The following ITPA variants were observed in gnomAD, a reference collection of about 807,000 sequenced individuals.
The protein encoded by ITPA is inosine triphosphatase.
A neutral mutation model predicts 29.6 loss-of-function variants in ITPA; 29 were observed. The observed-to-expected ratio is 0.98, with a 90% CI of 0.73 to 1.34. The LOEUF is 1.34. Ranked by LOEUF, ITPA falls within the 40% of genes most tolerant of loss-of-function variation. The pLI, the probability that ITPA is intolerant of heterozygous loss-of-function variation, is 0.00. For missense variants in ITPA, 241 were observed against 251.5 expected (o/e 0.96, Z 0.28); for synonymous variants, 103 against 99.3 (o/e 1.04, Z -0.22).
At chr20:3,207,982 CAA>C (rs1165931511), upstream of ITPA, among the ~76,000 whole-genome samples, 1 of 114,312 alleles carries the variant, frequency 8.7e-6, no homozygotes, top group African/African-American at 3.5e-5. Flanking sequence ...GTGACTAGAG[CAA>C]GACTCCGTCT....
intron 5 of ITPA, 73 bp from the exon 6 acceptor site, chr20:3,218,444 T>C: frequency 9.4e-7 from 1 of 1,063,004 alleles, no homozygotes; most frequent in South Asian, 1.3e-5. Context: ...TCCCCACCCT[T>C]AGTGGGCGTC....
chr20:3,214,194 C>G, intron 4 of ITPA, 136 bp downstream of exon 4: 1 of 784,672 alleles, frequency 1.3e-6, no homozygotes, highest in East Asian at 2.7e-5. Context: ...CGAGGAAAGA[C>G]GGGATAGGAG....
At chr20:3,206,055 CAAAA>C (rs537649838), upstream of ITPA, among the ~76,000 whole-genome samples, 30 of 58,848 alleles carry the variant, frequency 5.1e-4, no homozygotes, top group African/African-American at 1.2e-3. Context: ...GACTCTGTCT[CAAAA>C]AAAAAAAAAA....
rs372937334 is a variant in ITPA at position 3,209,903 on chromosome 20, TAAC to T, written c.66+290_66+292del. On this transcript the variant is annotated intron_variant, in intron 1 of 7. Transcript: ENST00000380113. The surrounding 1 kb of genome is among the most constrained non-coding windows in gnomAD (Gnocchi z 4.6). ...GGACCCGGAGGAGTAGCGGGGCTCT[TAAC>T]AACCGCCCCGAAGGTCACCTATTGA... Among the ~76,000 whole-genome samples the T allele has an allele frequency of 3.4e-4, 52 of 152,184 alleles. No homozygotes were observed. The East Asian group carries it at 6.6e-3, about 19-fold the overall frequency.
rs763806904 is a variant in ITPA, at chr20:3,209,661, T to G, written c.66+44T>G. 6.4e-7 allele frequency: 1 copy of G among 1,560,790 alleles called. No individual in the cohort carries two copies. The highest frequency in any genetic ancestry group is 1.7e-5 in the Admixed American group (1 of 59,608). ...GGGCTAACTGGGAGGCGGCTGGGAA[T>G]AGGGCGGAGAAGGGGCTTCCGGGAG... On this transcript the variant is annotated intron_variant, in intron 1 of 7. Coordinates refer to ENST00000380113, the MANE Select transcript of ITPA (RefSeq NM_033453.4). The surrounding 1 kb of genome is among the most constrained non-coding windows in gnomAD (Gnocchi z 4.6).
At chr20:3,205,917 G>A (rs907194386), upstream of ITPA, among the ~76,000 whole-genome samples, 2 of 151,892 alleles carry the variant, frequency 1.3e-5, no homozygotes, top group Admixed American at 6.6e-5. Flanking sequence ...TGAGTGGGGC[G>A]TGGTGGCACA....
At chr20:3,210,637 G>A (rs1168157311) in intron 1 of ITPA, among the ~76,000 whole-genome samples, 3 of 152,044 alleles carry the variant, frequency 2.0e-5, no homozygotes, top group Admixed American at 6.6e-5. Flanking sequence ...GCCTTTTGCC[G>A]AAAAAAGGTT....
At chr20:3,210,789 G>A (rs182480258) in intron 1 of ITPA, among the ~76,000 whole-genome samples, 1 of 152,010 alleles carries the variant, frequency 6.6e-6, no homozygotes, top group African/African-American at 2.4e-5. Flanking sequence ...AGTGCCTCAC[G>A]CCTGTAATCC....
chr20:3,209,489 A>C, upstream of ITPA: 4 of 1,479,078 alleles, frequency 2.7e-6, no homozygotes, highest in Non-Finnish European at 3.8e-6. This position sits in a 1 kb window ranked among gnomAD's most constrained non-coding sequence, Gnocchi z 4.6. Flanking sequence ...CACCAGCCGG[A>C]AGTTTTCTGT....
upstream of ITPA, among the ~76,000 whole-genome samples, chr20:3,207,908 T>C (rs965119465): frequency 1.1e-4 from 16 of 147,656 alleles, no homozygotes. Flanking sequence ...GGCAGGAGAA[T>C]CGCTTCAACC....
Position 3,223,755 on chromosome 20 carries a change from C to T in ITPA, c.*293C>T, listed in dbSNP as rs1413518978. 3.4e-5 allele frequency: 17 copies of T among 500,358 alleles called. No individual in the cohort carries two copies. Among genetic ancestry groups the T allele is most frequent in the Non-Finnish European group, 5.8e-5 (16 of 275,612 alleles). 31.0% of individuals were successfully genotyped at this position (500,358 alleles called of 1,614,324 possible). ...AAGCTGTACTTGGTGGGAGTGAGGG[C>T]GTGGGGAGGAACCATGCAAATCGCC... On this transcript the variant is annotated 3_prime_UTR_variant, in exon 8 of 8. Transcript: ENST00000380113.
upstream of ITPA, among the ~76,000 whole-genome samples, chr20:3,206,539 A>G (rs1422046238): frequency 1.3e-5 from 2 of 152,120 alleles, no homozygotes; most frequent in Non-Finnish European, 2.9e-5. Context: ...TCTACTAAAA[A>G]TACAAAATTA....
chr20:3,221,316 A>G (rs765904652), intron 6 of ITPA, among the ~76,000 whole-genome samples: 7 of 151,230 alleles, frequency 4.6e-5, no homozygotes, highest in Non-Finnish European at 1.0e-4. Flanking sequence ...TACTACAGCC[A>G]GTACGTATTG....
intron 1 of ITPA, among the ~76,000 whole-genome samples, chr20:3,210,919 C>T (rs2067155331): frequency 6.6e-6 from 1 of 151,782 alleles, no homozygotes; most frequent in Non-Finnish European, 1.5e-5. Context: ...GGCATGGTGA[C>T]ACGTGCCTGT....
At chr20:3,222,552 G>A (rs1406389747) in intron 7 of ITPA, among the ~76,000 whole-genome samples, 2 of 152,162 alleles carry the variant, frequency 1.3e-5, no homozygotes, top group African/African-American at 4.8e-5. Flanking sequence ...CCCCATCTAG[G>A]TTGGGAAAAT....
At position 3,209,715 on chromosome 20, in the gene ITPA, G is replaced by T. The variant is rs1047684496; in HGVS notation, c.66+98G>T. ...GGAAGCACGTGGGAGGAGGCATGGA[G>T]AGAGAACAGAATTCAGCCCGGAAGA... is the stretch of plus-strand genomic sequence containing the variant. On this transcript the variant is annotated intron_variant, in intron 1 of 7. Transcript: ENST00000380113. The surrounding 1 kb of genome is among the most constrained non-coding windows in gnomAD (Gnocchi z 4.6). The T allele has an allele frequency of 2.0e-6, 2 of 987,356 alleles. No individual in the cohort carries two copies. Among genetic ancestry groups the T allele is most frequent in the Admixed American group, 4.0e-5 (2 of 49,438 alleles). 61.2% of individuals were successfully genotyped at this position (987,356 alleles called of 1,614,324 possible). A position where few individuals can be genotyped will look rare whatever the true frequency, so the allele number is the denominator to read the frequency against.
At chr20:3,218,910 T>A in intron 6 of ITPA, 1 of 505,238 alleles carries the variant, frequency 2.0e-6, no homozygotes, top group Non-Finnish European at 3.6e-6. Flanking sequence ...TTCTGAAACC[T>A]GTTTGACCCC....
downstream of ITPA, among the ~76,000 whole-genome samples, chr20:3,226,445 G>T (rs1217267582): frequency 6.6e-6 from 1 of 152,142 alleles, no homozygotes; most frequent in Non-Finnish European, 1.5e-5. This position sits in a 1 kb window ranked among gnomAD's most constrained non-coding sequence, Gnocchi z 4.4. Flanking sequence ...CACCTGGATT[G>T]GTTCTCGGGG....
In ITPA at chr20:3,213,238, T is replaced by C; in HGVS notation, c.124+12T>C. The C allele has an allele frequency of 6.2e-7, 1 of 1,614,104 alleles. No individual in the cohort carries two copies. Among genetic ancestry groups the C allele is most frequent in the Non-Finnish European group, 8.5e-7 (1 of 1,179,980 alleles). On this transcript the variant is annotated intron_variant, in intron 2 of 7. Coordinates refer to ENST00000380113, the MANE Select transcript of ITPA (RefSeq NM_033453.4). Reference sequence around the variant, plus strand: ...ACAGAAAATTGACCGTATGTCTCTGTTTTGTTTTATTTTTAAAAGATGGTT... The same window carrying C: ...ACAGAAAATTGACCGTATGTCTCTGCTTTGTTTTATTTTTAAAAGATGGTT...
Sources: allele counts gnomAD v4.1 joint callset (sites outside exome capture counted in the v4.1 genomes callset), GRCh38; gene constraint gnomAD v4.1.1; non-coding constraint Gnocchi (gnomAD v3.1); transcripts MANE v1.5; gene names NCBI Gene and HGNC (gene_info 2026-07-23, HGNC 2026-07-21).